Variants in DGCR2 observed in about 807,000 individuals in gnomAD.
DGCR2 encodes integral membrane protein DGCR2/IDD.
A neutral mutation model predicts 51.6 loss-of-function variants in DGCR2; 24 were observed. That is an observed-to-expected ratio of 0.47 (90% CI 0.34 to 0.65). DGCR2 has a LOEUF of 0.65. DGCR2 is among the 30% of genes least tolerant of loss of function. The pLI is 0.01. For missense variants in DGCR2, 765 were observed against 772.1 expected (o/e 0.99, Z 0.11); for synonymous variants, 340 against 315.4 (o/e 1.08, Z -0.82).
intron 5 of DGCR2, among the ~76,000 whole-genome samples, chr22:19,062,980 A>G (rs533910549): frequency 1.3e-5 from 2 of 152,142 alleles, no homozygotes; most frequent in Non-Finnish European, 2.9e-5. Flanking sequence ...CCAAAGTGAG[A>G]TGCAACAGAG....
At chr22:19,122,040 G>A (rs1303455066) in intron 1 of DGCR2, 88 bp downstream of exon 1, 14 of 1,036,074 alleles carry the variant, frequency 1.4e-5, no homozygotes, top group South Asian at 8.4e-5. Context: ...GCCCCTGCAG[G>A]AGGGCGCCGC....
chr22:19,057,753 A>C lies in DGCR2; in HGVS notation c.626-591T>G, dbSNP rs977668369. On this transcript the variant is annotated intron_variant, in intron 5 of 9. Transcript: ENST00000263196. This position sits in a 1 kb window ranked among gnomAD's most constrained non-coding sequence, Gnocchi z 5.1. ...GCTCAAGGGAAACTGTCACCCACTCAGCTCCTGCCTAAGCCAGGCACAAGG... is the reference window on the plus strand; with the variant it reads ...GCTCAAGGGAAACTGTCACCCACTCCGCTCCTGCCTAAGCCAGGCACAAGG... 1.6e-5 allele frequency among the ~76,000 whole-genome samples: 2 copies of C among 121,960 alleles called. No homozygotes were observed. The highest frequency in any genetic ancestry group is 3.4e-5 in the Non-Finnish European group (2 of 58,042). The allele number at this position is 121,960 out of a possible 152,430, so 80.0% of individuals were successfully genotyped here.
intron 2 of DGCR2, among the ~76,000 whole-genome samples, chr22:19,082,225 T>TTC (rs1190679527): frequency 8.5e-5 from 12 of 141,292 alleles, no homozygotes; most frequent in African/African-American, 2.6e-4. Context: ...ATTATTTCTT[T>TTC]TTTTTTTTTT....
rs55877455 is a variant in DGCR2, at chr22:19,103,416, C to CTTTT, written c.80-13930_80-13927dup. Among the ~76,000 whole-genome samples the CTTTT allele has an allele frequency of 2.9e-3, 194 of 67,720 alleles. 25 individuals are homozygous for CTTTT. Among genetic ancestry groups the CTTTT allele is most frequent in the Non-Finnish European group, 3.3e-3 (111 of 33,830 alleles). 44.4% of individuals were successfully genotyped at this position (67,720 alleles called of 152,430 possible). On this transcript the variant is annotated intron_variant, in intron 1 of 9. Transcript: ENST00000263196. ...GTATTTTACCACAATAAAAAAAGTTCTTTTTTTTTTTTTTTTTTTTTTTTT... is the reference window on the plus strand; with the variant it reads ...GTATTTTACCACAATAAAAAAAGTTCTTTTTTTTTTTTTTTTTTTTTTTTTTTTT...
chr22:19,059,428 C>T (rs2082636931), intron 5 of DGCR2, among the ~76,000 whole-genome samples: 1 of 151,974 alleles, frequency 6.6e-6, no homozygotes, highest in African/African-American at 2.4e-5. Context: ...TGCAGATTTT[C>T]CTCCAGGGCC....
At chr22:19,109,542 T>C (rs2083293027) in intron 1 of DGCR2, among the ~76,000 whole-genome samples, 1 of 152,200 alleles carries the variant, frequency 6.6e-6, no homozygotes, top group South Asian at 2.1e-4. Context: ...TACTGCATGA[T>C]TCTACTTATA....
chr22:19,086,265 C>T (rs2083014096), intron 2 of DGCR2, among the ~76,000 whole-genome samples: 1 of 152,008 alleles, frequency 6.6e-6, no homozygotes, highest in Non-Finnish European at 1.5e-5. Context: ...ATCACAAGGT[C>T]AGGAGATCGA....
intron 1 of DGCR2, among the ~76,000 whole-genome samples, chr22:19,107,741 G>A (rs763428896): frequency 6.6e-6 from 1 of 152,184 alleles, no homozygotes; most frequent in Non-Finnish European, 1.5e-5. Flanking sequence ...ATGGGGGTTC[G>A]GGCAGGAGGG....
At chr22:19,122,008 G>A (rs921620919) in intron 1 of DGCR2, 120 bp downstream of exon 1, 4 of 469,634 alleles carry the variant, frequency 8.5e-6, no homozygotes, top group African/African-American at 4.2e-5. Context: ...GCCAGGCCCC[G>A]CCCGCCCCTG....
At chr22:19,072,555 A>G (rs980120911) in intron 2 of DGCR2, among the ~76,000 whole-genome samples, 1 of 152,226 alleles carries the variant, frequency 6.6e-6, no homozygotes, top group African/African-American at 2.4e-5. Context: ...TACTGTACTC[A>G]TGAAACAAGA....
intron 5 of DGCR2, chr22:19,060,966 T>C: frequency 2.4e-6 from 1 of 424,424 alleles, no homozygotes; most frequent in South Asian, 1.7e-5. Flanking sequence ...CTGGAACATA[T>C]TATACAACAC....
intron 5 of DGCR2, among the ~76,000 whole-genome samples, chr22:19,062,774 TGCTCA>T (rs2082685395): frequency 2.6e-5 from 3 of 113,872 alleles, no homozygotes; most frequent in Admixed American, 9.0e-5. Context: ...CACACATGCA[TGCTCA>T]CTCTCTCTCT....
chr22:19,038,661 G>T lies in DGCR2; in HGVS notation c.*204C>A. 1.6e-6 allele frequency: 1 copy of T among 628,752 alleles called. No homozygotes were observed. Among genetic ancestry groups the T allele is most frequent in the Non-Finnish European group, 2.7e-6 (1 of 365,806 alleles). The allele number at this position is 628,752 out of a possible 1,614,324, so 38.9% of individuals were successfully genotyped here. A position where few individuals can be genotyped will look rare whatever the true frequency, so the allele number is the denominator to read the frequency against. On this transcript the variant is annotated 3_prime_UTR_variant, in exon 10 of 10. Transcript: ENST00000263196. ...ATCCAAAGCTATGCATGTTTCTGAA[G>T]CCCTCAAGGAAGCTCGGTGCAGGCC...
intron 5 of DGCR2, chr22:19,060,686 C>T (rs1010119546): frequency 3.5e-6 from 1 of 287,588 alleles, no homozygotes; most frequent in Non-Finnish European, 7.0e-6. Flanking sequence ...ACAAATGTTA[C>T]AGAAATCCTG....
At chr22:19,076,411 C>T (rs1300814376) in intron 2 of DGCR2, among the ~76,000 whole-genome samples, 3 of 151,940 alleles carry the variant, frequency 2.0e-5, no homozygotes, top group South Asian at 2.1e-4. Flanking sequence ...GTGATCCGCC[C>T]GCCTCGGCCT....
intron 1 of DGCR2, among the ~76,000 whole-genome samples, chr22:19,092,957 G>A (rs1361123022): frequency 6.7e-6 from 1 of 148,434 alleles, no homozygotes; most frequent in Non-Finnish European, 1.5e-5. Flanking sequence ...ACAAAATGAA[G>A]TTAAAAAAAG....
chr22:19,118,932 C>T (rs150959002), intron 1 of DGCR2, among the ~76,000 whole-genome samples: 102 of 152,332 alleles, frequency 6.7e-4, no homozygotes, highest in Middle Eastern at 6.8e-3. Flanking sequence ...CTGTCAGTTA[C>T]CTCAGCAGTA....
chr22:19,049,195 G>A (rs187862038), intron 6 of DGCR2, among the ~76,000 whole-genome samples: 73 of 152,336 alleles, frequency 4.8e-4, no homozygotes, highest in African/African-American at 1.7e-3. Context: ...CAGCTGCTAT[G>A]AGTATTAACC....
At chr22:19,092,959 TA>T (rs578223535) in intron 1 of DGCR2, among the ~76,000 whole-genome samples, 4 of 145,650 alleles carry the variant, frequency 2.7e-5, no homozygotes, top group South Asian at 2.2e-4. Context: ...AAAATGAAGT[TA>T]AAAAAAGGAG....
Sources: allele counts gnomAD v4.1 joint callset (sites outside exome capture counted in the v4.1 genomes callset), GRCh38; gene constraint gnomAD v4.1.1; non-coding constraint Gnocchi (gnomAD v3.1); transcripts MANE v1.5; gene names NCBI Gene and HGNC (gene_info 2026-07-23, HGNC 2026-07-21).